The following MCC variants were observed in gnomAD, a reference collection of about 807,000 sequenced individuals.
The protein encoded by MCC is colorectal mutant cancer protein.
Under a neutral mutation model 116.2 loss-of-function variants are expected in MCC, and 90 were observed. The ratio of observed to expected loss-of-function variants is 0.77; its 90% CI spans 0.65 to 0.92. MCC has a LOEUF of 0.92. MCC is among the 40% of genes least tolerant of loss of function. The pLI is 0.00. For missense variants in MCC, 1,516 were observed against 1,312.2 expected (o/e 1.16, Z -2.40); for synonymous variants, 578 against 510.5 (o/e 1.13, Z -1.78).
chr5:113,288,174 C>G (rs1051370112), intron 3 of MCC, among the ~76,000 whole-genome samples: 5 of 152,370 alleles, frequency 3.3e-5, no homozygotes, highest in Middle Eastern at 3.4e-3. Flanking sequence ...CCTTGCCATG[C>G]AGCCGTGGCC....
At chr5:113,162,644 G>A in intron 3 of MCC, among the ~76,000 whole-genome samples, 1 of 152,004 alleles carries the variant, frequency 6.6e-6, no homozygotes, top group East Asian at 1.9e-4. Flanking sequence ...CCACAGTCAG[G>A]CACCACCACG....
At chr5:113,031,499 A>G (rs1561733189) in intron 17 of MCC, among the ~76,000 whole-genome samples, 1 of 151,958 alleles carries the variant, frequency 6.6e-6, no homozygotes, top group African/African-American at 2.4e-5. Flanking sequence ...AGCTAAAAAC[A>G]GCAGGGAAGG....
At chr5:113,197,853 C>T (rs1201379104) in intron 3 of MCC, among the ~76,000 whole-genome samples, 2 of 152,224 alleles carry the variant, frequency 1.3e-5, no homozygotes, top group African/African-American at 4.8e-5. Context: ...AGCCTGTGCT[C>T]TGTGCACCAG....
At chr5:113,251,716 A>G (rs1764811814) in intron 3 of MCC, among the ~76,000 whole-genome samples, 1 of 152,214 alleles carries the variant, frequency 6.6e-6, no homozygotes, top group Non-Finnish European at 1.5e-5. Context: ...TAAAAATGTT[A>G]ACTCAAGTTC....
intron 17 of MCC, among the ~76,000 whole-genome samples, chr5:113,039,698 C>T (rs1317648135): frequency 2.7e-5 from 4 of 148,722 alleles, no homozygotes; most frequent in South Asian, 2.2e-4. Flanking sequence ...TCAGCCTTGC[C>T]GTCCCACTCC....
chr5:113,410,225 T>C lies in MCC; in HGVS notation c.171-25013A>G, dbSNP rs918798833. 2.6e-5 allele frequency among the ~76,000 whole-genome samples: 4 copies of C among 152,322 alleles called. No homozygotes were observed. In the South Asian group the frequency reaches 8.3e-4, roughly 32 times the overall value. On this transcript the variant is annotated intron_variant, in intron 1 of 18. Coordinates refer to ENST00000408903, the MANE Select transcript of MCC (RefSeq NM_001085377.2). ...TCTGCGTATGGATATGCTATACCTA[T>C]ACAAGGGATACCTTGTGGATATCCA...
chr5:113,294,608 C>A (rs1047658737), intron 3 of MCC: 1 of 1,173,986 alleles, frequency 8.5e-7, no homozygotes. Flanking sequence ...GCAGGAGGCT[C>A]GGTGGCGCGG....
chr5:113,450,273 C>G (rs1322284739), intron 1 of MCC, among the ~76,000 whole-genome samples: 1 of 152,106 alleles, frequency 6.6e-6, no homozygotes, highest in South Asian at 2.1e-4. Flanking sequence ...TAATTTAAGC[C>G]TAGAGAATGG....
intron 1 of MCC, among the ~76,000 whole-genome samples, chr5:113,431,826 C>A (rs1580365593): frequency 6.9e-6 from 1 of 144,374 alleles, no homozygotes; most frequent in Non-Finnish European, 1.5e-5. Context: ...CATGATGAAA[C>A]CCCGTTTCTA....
chr5:113,111,289 G>A (rs1250486893), intron 6 of MCC, among the ~76,000 whole-genome samples: 1 of 152,160 alleles, frequency 6.6e-6, no homozygotes, highest in African/African-American at 2.4e-5. Context: ...CCTCCCCATG[G>A]CTGTGTGGTT....
intron 3 of MCC, among the ~76,000 whole-genome samples, chr5:113,259,243 A>T (rs749014174): frequency 4.1e-4 from 62 of 152,322 alleles, no homozygotes; most frequent in Middle Eastern, 6.8e-3. Context: ...TTTATTTGCC[A>T]TTCTCAGTCA....
At chr5:113,313,882 G>A (rs1352925238) in intron 3 of MCC, among the ~76,000 whole-genome samples, 1 of 151,778 alleles carries the variant, frequency 6.6e-6, no homozygotes, top group African/African-American at 2.4e-5. Flanking sequence ...GTGCAGTGGT[G>A]TGATCACAGC....
At chr5:113,357,706 T>G (rs1033779798) in intron 2 of MCC, among the ~76,000 whole-genome samples, 1 of 152,132 alleles carries the variant, frequency 6.6e-6, no homozygotes, top group Non-Finnish European at 1.5e-5. Flanking sequence ...GGAACACTAC[T>G]GGTAACGGAA....
At chr5:113,428,046 G>A (rs1770529511) in intron 1 of MCC, among the ~76,000 whole-genome samples, 1 of 152,114 alleles carries the variant, frequency 6.6e-6, no homozygotes, top group Admixed American at 6.6e-5. Flanking sequence ...TCAATTAAGT[G>A]TACAATGGGG....
At chr5:113,397,989 G>A (rs1443640651) in intron 1 of MCC, among the ~76,000 whole-genome samples, 1 of 152,060 alleles carries the variant, frequency 6.6e-6, no homozygotes, top group Admixed American at 6.6e-5. Flanking sequence ...AAATCAGTGA[G>A]CAAAAAACAA....
chr5:113,023,822 C>CTT lies in MCC; in HGVS notation c.*3478_*3479dup, dbSNP rs1750336076. On this transcript the variant is annotated 3_prime_UTR_variant, in exon 19 of 19. Transcript: ENST00000408903. ...AGAGCTATTAAGGTTGACTGATAGA[C>CTT]TTAAAAAGTGATTGCTTTATAATTC... 6.6e-6 allele frequency: 1 copy of CTT among 152,090 alleles called. No individual in the cohort carries two copies. The highest frequency in any genetic ancestry group is 6.5e-5 in the Admixed American group (1 of 15,276). The allele number at this position is 152,090 out of a possible 1,614,324, so 9.4% of individuals were successfully genotyped here.
intron 1 of MCC, among the ~76,000 whole-genome samples, chr5:113,458,835 C>T (rs1771656566): frequency 6.6e-6 from 1 of 152,144 alleles, no homozygotes; most frequent in African/African-American, 2.4e-5. Context: ...AGTGGTCTGC[C>T]TTGTTTAATA....
chr5:113,448,095 A>G (rs1186828175), intron 1 of MCC: 1 of 152,250 alleles, frequency 6.6e-6, no homozygotes, highest in Non-Finnish European at 1.5e-5. Flanking sequence ...ATAAATAAAA[A>G]ACACATAACG....
At chr5:113,102,094 C>G in intron 7 of MCC, 149 bp from the exon 8 acceptor site, 1 of 726,790 alleles carries the variant, frequency 1.4e-6, no homozygotes, top group Non-Finnish European at 2.3e-6. Flanking sequence ...TACAGACACC[C>G]CAAAGTTATC....
Sources: allele counts gnomAD v4.1 joint callset (sites outside exome capture counted in the v4.1 genomes callset), GRCh38; gene constraint gnomAD v4.1.1; transcripts MANE v1.5; gene names NCBI Gene and HGNC (gene_info 2026-07-23, HGNC 2026-07-21).